The following MEI1 variants were observed in gnomAD, a reference collection of about 807,000 sequenced individuals.
The protein encoded by MEI1 is meiosis inhibitor protein 1.
Under a neutral mutation model 146.2 loss-of-function variants are expected in MEI1, and 103 were observed. The ratio of observed to expected loss-of-function variants is 0.70; its 90% CI spans 0.60 to 0.83. MEI1 has a LOEUF of 0.83. MEI1 is among the 40% of genes least tolerant of loss of function. The probability of loss-of-function intolerance (pLI) is 0.00; values close to 1 mark genes in which losing one functional copy is unlikely to be tolerated. For missense variants in MEI1, 1,529 were observed against 1,533.0 expected, an observed-to-expected ratio of 1.00 and a Z score of 0.04; for synonymous variants, 652 against 628.2, an observed-to-expected ratio of 1.04 and a Z score of -0.57.
At chr22:41,734,321 G>A (rs1397010480) in intron 11 of MEI1, among the ~76,000 whole-genome samples, 1 of 151,990 alleles carries the variant, frequency 6.6e-6, no homozygotes, top group Non-Finnish European at 1.5e-5. Flanking sequence ...GACGGGGCGC[G>A]GTGGCTCACG....
chr22:41,709,772 C>T (rs950358849), intron 3 of MEI1, among the ~76,000 whole-genome samples: 4 of 152,070 alleles, frequency 2.6e-5, no homozygotes, highest in African/African-American at 9.7e-5. Context: ...TCAGTCATTC[C>T]AGGTAGTAGA....
Position 41,741,933 on chromosome 22 carries a change from A to G in MEI1, c.1332-1147A>G, listed in dbSNP as rs1218627448. 2.6e-5 allele frequency among the ~76,000 whole-genome samples: 3 copies of G among 115,274 alleles called. No homozygotes were observed. In the East Asian group the frequency reaches 7.5e-4, roughly 29 times the overall value. 75.6% of individuals were successfully genotyped at this position (115,274 alleles called of 152,430 possible). On this transcript the variant is annotated intron_variant, in intron 11 of 30. Coordinates refer to ENST00000401548, the MANE Select transcript of MEI1 (RefSeq NM_152513.4). ...TACCCCAGCCTGGTGACAGAGCGAG[A>G]CTCCATCTCAAAAAAAAAAAAAAAA... is the stretch of plus-strand genomic sequence containing the variant.
At chr22:41,727,811 T>C (rs1569191872) in intron 7 of MEI1, among the ~76,000 whole-genome samples, 2 of 152,124 alleles carry the variant, frequency 1.3e-5, no homozygotes, top group Non-Finnish European at 2.9e-5. Context: ...CACTTCTTAA[T>C]TTCCCCAGGA....
rs1256450605 is a variant in MEI1, at chr22:41,743,149, C to A, written c.1401C>A (p.Asn467Lys). ...ELQALLEAML[N>K]RCAEFSQTLL... ...AGGCTTTGCTAGAAGCCATGCTAAA[C>A]CGATGTGCGGAGTTTTCCCAGACCT... Residue 467 changes from asparagine to lysine, a missense_variant, in exon 12 of 31, where the codon AAC (asparagine) becomes AAA (lysine). Coordinates refer to ENST00000401548, the MANE Select transcript of MEI1 (RefSeq NM_152513.4). 6.8e-6 allele frequency: 11 copies of A among 1,613,348 alleles called. No homozygotes were observed. The highest frequency in any genetic ancestry group is 9.3e-6 in the Non-Finnish European group (11 of 1,179,808).
At chr22:41,796,871 G>C (rs879820820) in intron 30 of MEI1, among the ~76,000 whole-genome samples, 1 of 152,068 alleles carries the variant, frequency 6.6e-6, no homozygotes, top group African/African-American at 2.4e-5. Flanking sequence ...CGCTTGAATC[G>C]GGGATGCGGA....
intron 21 of MEI1, among the ~76,000 whole-genome samples, chr22:41,777,646 G>A (rs2075522665): frequency 6.6e-6 from 1 of 152,134 alleles, no homozygotes; most frequent in Admixed American, 6.5e-5. Context: ...GGAAGGCCAT[G>A]GGCATTGGAT....
intron 2 of MEI1, among the ~76,000 whole-genome samples, chr22:41,705,008 C>T (rs978360073): frequency 2.1e-4 from 32 of 152,146 alleles, no homozygotes. Flanking sequence ...GCCACCGCGC[C>T]CGGCCAATTG....
chr22:41,732,481 G>T lies in MEI1; in HGVS notation c.1209G>T (p.Glu403Asp). Residue 403 changes from glutamate (E) to aspartate (D), a missense_variant, in exon 11 of 31, where the codon GAG becomes GAT. Physicochemically the swap from Glu to Asp is conservative, Grantham distance 45. Coordinates refer to ENST00000401548, the MANE Select transcript of MEI1 (RefSeq NM_152513.4). ...TTCCATTTCTCAGGCAGCCAGAGGAGATCAAGCTGTTCACAAGCTCAGCCA... is the reference window on the plus strand; with the variant it reads ...TTCCATTTCTCAGGCAGCCAGAGGATATCAAGCTGTTCACAAGCTCAGCCA... ...FAEILTRQPE[E>D]IKLFTSSAMC... The T allele has an allele frequency of 6.2e-7, 1 of 1,613,886 alleles. No homozygotes were observed. The highest frequency in any genetic ancestry group is 8.5e-7 in the Non-Finnish European group (1 of 1,179,884).
At chr22:41,735,518 C>T (rs2072285206) in intron 11 of MEI1, among the ~76,000 whole-genome samples, 2 of 152,172 alleles carry the variant, frequency 1.3e-5, no homozygotes, top group Non-Finnish European at 2.9e-5. Context: ...CAGGCGTGAG[C>T]CACCGTGCCC....
chr22:41,723,274 G>T (rs1364969989), intron 6 of MEI1, among the ~76,000 whole-genome samples: 1 of 151,734 alleles, frequency 6.6e-6, no homozygotes, highest in Non-Finnish European at 1.5e-5. Context: ...GTACAGTGAC[G>T]CCATCTCAGT....
At position 41,757,117 on chromosome 22, in the gene MEI1, C is replaced by T. The variant is rs144170820; in HGVS notation, c.1952-1248C>T. On this transcript the variant is annotated intron_variant, in intron 17 of 30. Coordinates refer to ENST00000401548, the MANE Select transcript of MEI1 (RefSeq NM_152513.4). Reference sequence around the variant, plus strand: ...TCTTTCTTTCTTTCTTTTTTTGAGACGGAGTCTCGCTCTGTCGCCCATGCT... The same window carrying T: ...TCTTTCTTTCTTTCTTTTTTTGAGATGGAGTCTCGCTCTGTCGCCCATGCT... 1.3e-3 allele frequency among the ~76,000 whole-genome samples: 200 copies of T among 152,300 alleles called. 2 individuals carry two copies. Among genetic ancestry groups the T allele is most frequent in the African/African-American group, 4.6e-3 (190 of 41,568 alleles).
intron 20 of MEI1, among the ~76,000 whole-genome samples, chr22:41,775,742 T>TG (rs56899019): frequency 0.013 from 1,902 of 152,122 alleles, 33 homozygotes; most frequent in African/African-American, 0.043. Flanking sequence ...TACAGGCACT[T>TG]GCCACCACGC....
At chr22:41,734,856 C>T (rs905844916) in intron 11 of MEI1, among the ~76,000 whole-genome samples, 8 of 151,786 alleles carry the variant, frequency 5.3e-5, no homozygotes, top group South Asian at 2.1e-4. Flanking sequence ...AGGGTGGTCT[C>T]GAACTCCTGA....
At chr22:41,703,015 G>A (rs923658927) in intron 1 of MEI1, among the ~76,000 whole-genome samples, 9 of 152,200 alleles carry the variant, frequency 5.9e-5, no homozygotes, top group Non-Finnish European at 8.8e-5. Flanking sequence ...ACCGGGCCCG[G>A]CCTCTGTTTT....
chr22:41,756,537 G>A (rs1189100299), intron 17 of MEI1, among the ~76,000 whole-genome samples: 1 of 152,094 alleles, frequency 6.6e-6, no homozygotes, highest in African/African-American at 2.4e-5. Flanking sequence ...GCAGTGGCGT[G>A]ATCTCGGCTC....
At chr22:41,732,138 G>A in intron 9 of MEI1, 107 bp from the exon 10 acceptor site, 1 of 815,448 alleles carries the variant, frequency 1.2e-6, no homozygotes, top group South Asian at 1.6e-5. Flanking sequence ...TCCACGAGTG[G>A]CCTCCAACTC....
chr22:41,764,839 TAC>T (rs913016985), intron 19 of MEI1, among the ~76,000 whole-genome samples: 2 of 152,188 alleles, frequency 1.3e-5, no homozygotes, highest in African/African-American at 4.8e-5. Context: ...CCAGAGGTGG[TAC>T]TAAGGAATGA....
intron 5 of MEI1, among the ~76,000 whole-genome samples, chr22:41,716,706 CCT>C (rs1569164869): frequency 8.9e-6 from 1 of 111,922 alleles, no homozygotes; most frequent in Non-Finnish European, 1.8e-5. Context: ...TTTTTTTTTC[CCT>C]GAGACGAGTC....
In MEI1 at chr22:41,730,646, T is replaced by C; in HGVS notation, c.1096+9T>C. 1 of 1,591,630 alleles carries C rather than the reference T, an allele frequency of 6.3e-7. No individual in the cohort carries two copies. The highest frequency in any genetic ancestry group is 8.6e-7 in the Non-Finnish European group (1 of 1,159,638). ...GTGCCACACGGTGTATGGTTGGTAG[T>C]AAGGGTCCTGTACTAGCTTTGGGTT... On this transcript the variant is annotated intron_variant, in intron 9 of 30. Coordinates refer to ENST00000401548, the MANE Select transcript of MEI1 (RefSeq NM_152513.4).
Sources: allele counts gnomAD v4.1 joint callset (sites outside exome capture counted in the v4.1 genomes callset), GRCh38; gene constraint gnomAD v4.1.1; transcripts MANE v1.5; gene names NCBI Gene and HGNC (gene_info 2026-07-23, HGNC 2026-07-21).